The following FIGN variants were observed in gnomAD, a reference collection of about 807,000 sequenced individuals.
The protein encoded by FIGN is fidgetin, microtubule severing factor.
FIGN carries 11 observed loss-of-function variants against 51.3 expected under a neutral mutation model. The observed-to-expected ratio is 0.21, with a 90% CI of 0.13 to 0.35. The LOEUF is 0.35. Among genes scored for constraint, FIGN ranks in the 10% least tolerant of loss-of-function variants. The probability of loss-of-function intolerance (pLI) is 1.00; values close to 1 mark genes in which losing one functional copy is unlikely to be tolerated. For synonymous variants in FIGN, 407 were observed against 363.2 expected (o/e 1.12, Z -1.37); for missense variants, 857 against 943.6 (o/e 0.91, Z 1.20).
chr2:163,612,140 A>G (rs780889086), intron 2 of FIGN, among the ~76,000 whole-genome samples: 28 of 152,224 alleles, frequency 1.8e-4, no homozygotes, highest in Admixed American at 5.2e-4. Context: ...ATATATATGT[A>G]CACACACATT....
At chr2:163,629,951 A>ATTTTTTTTTTTT (rs1177743766) in intron 2 of FIGN, among the ~76,000 whole-genome samples, 1 of 92,464 alleles carries the variant, frequency 1.1e-5, no homozygotes, top group African/African-American at 4.5e-5. Flanking sequence ...AGAAAGGGGC[A>ATTTTTTTTTTTT]CTTTTTTTTT....
At chr2:163,634,086 A>ATGTGTG (rs1553495148) in intron 2 of FIGN, among the ~76,000 whole-genome samples, 2 of 101,568 alleles carry the variant, frequency 2.0e-5, no homozygotes, top group African/African-American at 6.5e-5. Context: ...GTACGTATGT[A>ATGTGTG]TGCGTGTGTG....
Position 163,603,469 on chromosome 2 carries a change from T to C in FIGN, c.*6083A>G, listed in dbSNP as rs1691018567. 1 of 152,098 alleles carries C rather than the reference T, an allele frequency of 6.6e-6. No homozygotes were observed. Among genetic ancestry groups the C allele is most frequent in the Non-Finnish European group, 1.5e-5 (1 of 67,992 alleles). The allele number at this position is 152,098 out of a possible 1,614,324, so 9.4% of individuals were successfully genotyped here. A position where few individuals can be genotyped will look rare whatever the true frequency, so the allele number is the denominator to read the frequency against. On this transcript the variant is annotated 3_prime_UTR_variant, in exon 3 of 3. Coordinates refer to ENST00000333129, the MANE Select transcript of FIGN (RefSeq NM_018086.4). ...TTAAATTTCTGTCTCAGACAAGTAC[T>C]GTTGGCTGACAAGAAATATGGCATT...
chr2:163,734,557 C>CAA (rs34286375), intron 2 of FIGN, among the ~76,000 whole-genome samples: 17,420 of 102,814 alleles, frequency 0.17, 1,830 homozygotes, highest in Admixed American at 0.29. Context: ...CTCCCTCCTT[C>CAA]AAAAAAAAAA....
At chr2:163,704,285 T>C (rs1043244357) in intron 2 of FIGN, among the ~76,000 whole-genome samples, 3 of 152,088 alleles carry the variant, frequency 2.0e-5, no homozygotes, top group Admixed American at 6.6e-5. Flanking sequence ...TCATACATTA[T>C]CCTAGCAAGT....
At chr2:163,659,645 C>T (rs928386483) in intron 2 of FIGN, among the ~76,000 whole-genome samples, 11 of 152,326 alleles carry the variant, frequency 7.2e-5, no homozygotes, top group African/African-American at 1.2e-4. Context: ...AAGGGATAGA[C>T]ATCAACTGGC....
At chr2:163,653,248 GC>G (rs1683506706) in intron 2 of FIGN, among the ~76,000 whole-genome samples, 1 of 151,928 alleles carries the variant, frequency 6.6e-6, no homozygotes, top group African/African-American at 2.4e-5. Context: ...CATAGTTTAG[GC>G]CCTGTGTTAG....
intron 2 of FIGN, among the ~76,000 whole-genome samples, chr2:163,655,411 A>C (rs1683543414): frequency 6.6e-6 from 1 of 152,174 alleles, no homozygotes. Flanking sequence ...AAAGATGATT[A>C]ACAACTATAC....
intron 2 of FIGN, among the ~76,000 whole-genome samples, chr2:163,623,445 C>A (rs1307232805): frequency 1.3e-5 from 2 of 152,058 alleles, no homozygotes; most frequent in Non-Finnish European, 2.9e-5. Context: ...TAATTGAATA[C>A]CCATTTTTGG....
rs73974388 is a variant in FIGN at position 163,728,303 on chromosome 2, T to A, written c.25+6600A>T. Among the ~76,000 whole-genome samples the A allele has an allele frequency of 2.8e-3, 428 of 152,054 alleles. 1 individual carries two copies. Among genetic ancestry groups the A allele is most frequent in the African/African-American group, 1.0e-2 (413 of 41,502 alleles). On this transcript the variant is annotated intron_variant, in intron 2 of 2. Transcript: ENST00000333129. ...CTTAACCGAGGAGGGATAGTGGCAGTACTTGGCAACAGAGAACCTCCTAAG... is the reference window on the plus strand; with the variant it reads ...CTTAACCGAGGAGGGATAGTGGCAGAACTTGGCAACAGAGAACCTCCTAAG...
rs534801112 is a variant in FIGN, at chr2:163,610,419, C to G, written c.1413G>C (p.Leu471=). The part of the protein sequence containing the change: ...LKNTDTHLID[L]VTNEIITQGP... The stretch of plus-strand genomic sequence containing the variant: ...CTTGGGTGATAATCTCATTGGTTAC[C>G]AGGTCGATGAGGTGCGTGTCAGTAT... The change falls in exon 3 of 3, where the codon CTG becomes CTC. Residue 471 remains leucine (L), a synonymous_variant. Transcript: ENST00000333129. 2.5e-6 allele frequency: 4 copies of G among 1,614,050 alleles called. No individual in the cohort carries two copies. The African/African-American group carries it at 5.3e-5, about 22-fold the overall frequency.
At chr2:163,624,271 C>T (rs980724388) in intron 2 of FIGN, among the ~76,000 whole-genome samples, 10 of 151,822 alleles carry the variant, frequency 6.6e-5, no homozygotes, top group Non-Finnish European at 1.0e-4. Flanking sequence ...CAATAGCTCC[C>T]TGTATTGTTA....
intron 1 of FIGN, among the ~76,000 whole-genome samples, chr2:163,735,316 AC>A (rs79893784): frequency 0.029 from 4,438 of 151,958 alleles, 270 homozygotes; most frequent in East Asian, 0.27. Flanking sequence ...ACCACGCTGT[AC>A]CCCCTCCTAG....
At chr2:163,671,727 T>C (rs1459862194) in intron 2 of FIGN, among the ~76,000 whole-genome samples, 5 of 152,144 alleles carry the variant, frequency 3.3e-5, no homozygotes, top group East Asian at 1.9e-4. Context: ...CAAACACCCA[T>C]AAAAATGTGT....
chr2:163,681,233 T>C (rs1283144187), intron 2 of FIGN, among the ~76,000 whole-genome samples: 1 of 152,172 alleles, frequency 6.6e-6, no homozygotes, highest in Admixed American at 6.5e-5. Flanking sequence ...AAGAATCCTA[T>C]ACTAAAGCAA....
chr2:163,688,263 T>A (rs1189270355), intron 2 of FIGN, among the ~76,000 whole-genome samples: 2 of 152,146 alleles, frequency 1.3e-5, no homozygotes, highest in Admixed American at 6.5e-5. Flanking sequence ...TATCGTGTGC[T>A]CAGAATGTGG....
chr2:163,630,675 A>AGG (rs5835954), intron 2 of FIGN, among the ~76,000 whole-genome samples: 2,799 of 142,966 alleles, frequency 0.02, 62 homozygotes, highest in African/African-American at 0.052. Flanking sequence ...TACAAAAAAA[A>AGG]GGGGGGGGGG....
chr2:163,645,488 T>C (rs1559007167), intron 2 of FIGN, among the ~76,000 whole-genome samples: 1 of 152,176 alleles, frequency 6.6e-6, no homozygotes, highest in African/African-American at 2.4e-5. Context: ...GTAAATTAGA[T>C]AGGGAGAAAA....
intron 2 of FIGN, among the ~76,000 whole-genome samples, chr2:163,722,844 T>C (rs7606670): frequency 0.54 from 82,088 of 151,754 alleles, 25,532 homozygotes; most frequent in South Asian, 0.69. Context: ...ATAGATCCAT[T>C]CTTTAAATAT....
Sources: allele counts gnomAD v4.1 joint callset (sites outside exome capture counted in the v4.1 genomes callset), GRCh38; gene constraint gnomAD v4.1.1; transcripts MANE v1.5; gene names NCBI Gene and HGNC (gene_info 2026-07-23, HGNC 2026-07-21).